Variants in RABGAP1L observed in about 807,000 individuals in gnomAD.
RABGAP1L encodes the protein RAB GTPase activating protein 1 like, also known as rab GTPase-activating protein 1-like.
In RABGAP1L, 63 loss-of-function variants were observed where a neutral mutation model predicts 137.7. The observed-to-expected ratio is 0.46, with a 90% CI of 0.37 to 0.56. The LOEUF (loss-of-function observed/expected upper bound fraction) is 0.56, where lower values mean the gene tolerates loss of function less well. Ranked by LOEUF, RABGAP1L falls within the 20% of genes least tolerant of loss-of-function variation. The probability of loss-of-function intolerance (pLI) is 0.00; values close to 1 mark genes in which losing one functional copy is unlikely to be tolerated. For synonymous variants in RABGAP1L, 431 were observed against 433.7 expected, an observed-to-expected ratio of 0.99 and a Z score of 0.08; for missense variants, 1,095 against 1,244.0, an observed-to-expected ratio of 0.88 and a Z score of 1.80.
intron 5 of RABGAP1L, among the ~76,000 whole-genome samples, chr1:174,247,972 A>G (rs1388940158): frequency 6.6e-6 from 1 of 152,176 alleles, no homozygotes; most frequent in Non-Finnish European, 1.5e-5. Context: ...AGTTAAATGT[A>G]TAAAAATCAG....
At position 174,233,577 on chromosome 1, in the gene RABGAP1L, C is replaced by T. The variant is rs530181017; in HGVS notation, c.542+2222C>T. Among the ~76,000 whole-genome samples, 143 of 143,126 alleles carry T rather than the reference C, an allele frequency of 1.0e-3. 17 individuals carry two copies. The highest frequency in any genetic ancestry group is 4.0e-3 in the African/African-American group (135 of 33,702). 93.9% of individuals were successfully genotyped at this position (143,126 alleles called of 152,430 possible). A position where few individuals can be genotyped will look rare whatever the true frequency, so the allele number is the denominator to read the frequency against. Reference sequence around the variant, plus strand: ...GATGATTTCCAATTTCATCCATGCCCCTACAAAGGACATGAACTCATCATT... The same window carrying T: ...GATGATTTCCAATTTCATCCATGCCTCTACAAAGGACATGAACTCATCATT... On this transcript the variant is annotated intron_variant, in intron 4 of 25. Coordinates refer to ENST00000681986, the MANE Select transcript of RABGAP1L (RefSeq NM_001366446.1).
At chr1:174,870,421 A>G (rs1407234393) in intron 19 of RABGAP1L, among the ~76,000 whole-genome samples, 1 of 152,106 alleles carries the variant, frequency 6.6e-6, no homozygotes, top group African/African-American at 2.4e-5. Flanking sequence ...TCTGTAACCT[A>G]TGTATGTGTG....
At chr1:174,779,536 A>G (rs1181698143) in intron 18 of RABGAP1L, among the ~76,000 whole-genome samples, 2 of 152,218 alleles carry the variant, frequency 1.3e-5, no homozygotes, top group Admixed American at 6.5e-5. Flanking sequence ...AAAGTAGCAA[A>G]AGGCCAAAGG....
At chr1:174,977,367 T>C (rs1670734894) in intron 22 of RABGAP1L, among the ~76,000 whole-genome samples, 1 of 152,214 alleles carries the variant, frequency 6.6e-6, no homozygotes, top group South Asian at 2.1e-4. Flanking sequence ...GTTTTTTCTT[T>C]ACTTCCTGCC....
At chr1:174,304,924 A>G (rs2142864) in intron 10 of RABGAP1L, 62 bp from the exon 11 acceptor site, 338,970 of 1,360,792 alleles carry the variant, frequency 0.25, 44,510 homozygotes, top group African/African-American at 0.44. Context: ...TTATTTAAAT[A>G]CTATCTTTCA....
intron 15 of RABGAP1L, among the ~76,000 whole-genome samples, chr1:174,695,661 T>C (rs774142613): frequency 2.0e-5 from 3 of 152,272 alleles, no homozygotes; most frequent in African/African-American, 2.4e-5. Flanking sequence ...TCTTGATGCT[T>C]GTGGATGTTT....
intron 1 of RABGAP1L, among the ~76,000 whole-genome samples, chr1:174,198,360 A>G (rs938108938): frequency 2.0e-5 from 3 of 152,152 alleles, no homozygotes; most frequent in African/African-American, 7.2e-5. Context: ...TTTTGGAGTT[A>G]TTTACTGTAC....
intron 14 of RABGAP1L, among the ~76,000 whole-genome samples, chr1:174,640,674 TATCTC>T (rs774664292): frequency 1.3e-5 from 2 of 152,058 alleles, no homozygotes; most frequent in Non-Finnish European, 2.9e-5. Flanking sequence ...ACCTTGATCT[TATCTC>T]AGCTGCTTTG....
chr1:174,687,099 C>G (rs1678534226), intron 15 of RABGAP1L, among the ~76,000 whole-genome samples: 1 of 152,080 alleles, frequency 6.6e-6, no homozygotes, highest in Non-Finnish European at 1.5e-5. Context: ...AAGTTTGGGT[C>G]AATTATAAGT....
At chr1:174,819,035 T>C (rs2148879805) in intron 19 of RABGAP1L, among the ~76,000 whole-genome samples, 1 of 150,598 alleles carries the variant, frequency 6.6e-6, no homozygotes, top group East Asian at 2.0e-4. Flanking sequence ...CTCCAAAAAT[T>C]ATCTGGGCAT....
At chr1:174,429,905 G>A (rs1290678352) in intron 13 of RABGAP1L, among the ~76,000 whole-genome samples, 1 of 152,116 alleles carries the variant, frequency 6.6e-6, no homozygotes, top group Non-Finnish European at 1.5e-5. Context: ...CTGGGGAAAT[G>A]TGTCATGTTA....
chr1:174,499,101 G>A (rs1314139739), intron 13 of RABGAP1L, among the ~76,000 whole-genome samples: 1 of 151,834 alleles, frequency 6.6e-6, no homozygotes, highest in East Asian at 1.9e-4. Context: ...GAACTGGGGG[G>A]AAAATTAAAA....
chr1:174,803,986 A>C (rs1262317843), intron 18 of RABGAP1L, among the ~76,000 whole-genome samples: 1 of 152,104 alleles, frequency 6.6e-6, no homozygotes, highest in Non-Finnish European at 1.5e-5. Context: ...AGGCAGGAGA[A>C]TCACTTGAAC....
chr1:174,340,178 G>A, intron 11 of RABGAP1L, among the ~76,000 whole-genome samples: 1 of 152,096 alleles, frequency 6.6e-6, no homozygotes, highest in Non-Finnish European at 1.5e-5. Flanking sequence ...AAGAGACATT[G>A]CCAAGAATTA....
chr1:174,834,385 C>G (rs1247257776), intron 19 of RABGAP1L, among the ~76,000 whole-genome samples: 2 of 148,860 alleles, frequency 1.3e-5, no homozygotes, highest in Non-Finnish European at 3.0e-5. Context: ...AAGATGGCAC[C>G]ATTGCACTCC....
intron 19 of RABGAP1L, among the ~76,000 whole-genome samples, chr1:174,864,193 C>G (rs935226245): frequency 1.3e-5 from 2 of 151,794 alleles, no homozygotes; most frequent in African/African-American, 4.8e-5. Context: ...TAAGGGTTTT[C>G]TAAGGTTTGA....
At chr1:174,962,203 C>CG (rs150366557) in intron 20 of RABGAP1L, among the ~76,000 whole-genome samples, 3 of 137,708 alleles carry the variant, frequency 2.2e-5, no homozygotes, top group Admixed American at 7.1e-5. Context: ...TACACCCCCC[C>CG]CCCACACACA....
intron 7 of RABGAP1L, among the ~76,000 whole-genome samples, chr1:174,268,692 T>C (rs1674290281): frequency 6.6e-6 from 1 of 152,118 alleles, no homozygotes; most frequent in Non-Finnish European, 1.5e-5. Flanking sequence ...CATCTGTTTT[T>C]CTCACTTTTT....
intron 19 of RABGAP1L, among the ~76,000 whole-genome samples, chr1:174,910,348 C>G (rs1015239437): frequency 1.1e-4 from 17 of 151,956 alleles, no homozygotes; most frequent in African/African-American, 4.1e-4. Context: ...TATGATAAAG[C>G]CCCTCATCAA....
Sources: gnomAD v4.1 joint callset for allele counts (sites outside exome capture counted in the v4.1 genomes callset) on GRCh38, gnomAD v4.1.1 for gene constraint, MANE v1.5 for transcripts, NCBI Gene and HGNC (gene_info 2026-07-23, HGNC 2026-07-21) for gene names.